EPM2A: variants seen among roughly 807,000 people sequenced by gnomAD.
The protein encoded by EPM2A is EPM2A glucan phosphatase, laforin.
EPM2A carries 21 observed loss-of-function variants against 26.5 expected under a neutral mutation model. The observed-to-expected ratio is 0.79, with a 90% CI of 0.56 to 1.14. The LOEUF is 1.14. Ranked by LOEUF, EPM2A falls within the 50% of genes most tolerant of loss-of-function variation. EPM2A has a pLI of 0.00. For synonymous variants in EPM2A, 217 were observed against 177.6 expected, an observed-to-expected ratio of 1.22 and a Z score of -1.76; for missense variants, 458 against 440.8, an observed-to-expected ratio of 1.04 and a Z score of -0.35.
At chr6:145,617,066 A>G (rs1347594724) in intron 2 of EPM2A, among the ~76,000 whole-genome samples, 1 of 152,108 alleles carries the variant, frequency 6.6e-6, no homozygotes, top group African/African-American at 2.4e-5. Flanking sequence ...GGGTGGAATG[A>G]TATGGATTGG....
At chr6:145,590,804 C>T (rs540014562) in intron 2 of EPM2A, among the ~76,000 whole-genome samples, 1 of 152,208 alleles carries the variant, frequency 6.6e-6, no homozygotes, top group Non-Finnish European at 1.5e-5. Context: ...CCCAATACAT[C>T]ATGCTCAGCT....
chr6:145,548,446 G>A (rs1018661413), intron 2 of EPM2A, among the ~76,000 whole-genome samples: 3 of 152,002 alleles, frequency 2.0e-5, no homozygotes, highest in Non-Finnish European at 2.9e-5. Context: ...AGTCCATCAC[G>A]GTCCTACCTA....
Position 145,627,102 on chromosome 6 carries a change from A to G in EPM2A, c.*314T>C. The stretch of plus-strand genomic sequence containing the variant: ...GTCACGGATCCATCGTGCAACACAT[A>G]CAGTGCTGTAAAGCAAAGGCCTCGT... On this transcript the variant is annotated 3_prime_UTR_variant, in exon 4 of 4. Transcript: ENST00000367519. 5 of 1,271,168 alleles carry G rather than the reference A, an allele frequency of 3.9e-6. No individual in the cohort carries two copies. Among genetic ancestry groups the G allele is most frequent in the Non-Finnish European group, 4.0e-6 (4 of 997,528 alleles). 78.7% of individuals were successfully genotyped at this position (1,271,168 alleles called of 1,614,324 possible).
chr6:145,458,087 A>G (rs1184420019), intron 4 of EPM2A, among the ~76,000 whole-genome samples: 2 of 152,214 alleles, frequency 1.3e-5, no homozygotes, highest in Non-Finnish European at 2.9e-5. Context: ...ACCTATGTGG[A>G]AAGTCCAGAC....
chr6:145,438,857 C>CTCAGGGA (rs1779024135), intron 4 of EPM2A, among the ~76,000 whole-genome samples: 3 of 152,202 alleles, frequency 2.0e-5, no homozygotes, highest in Admixed American at 2.0e-4. Flanking sequence ...AAACTTGTGA[C>CTCAGGGA]TCAGGGATCG....
chr6:145,629,369 G>C (rs1776072473), intron 3 of EPM2A: 1 of 152,254 alleles, frequency 6.6e-6, no homozygotes, highest in African/African-American at 2.4e-5. Context: ...GGCACCGTGA[G>C]ATTACAGCGA....
chr6:145,507,297 A>G (rs1779989811), intron 2 of EPM2A, among the ~76,000 whole-genome samples: 1 of 152,228 alleles, frequency 6.6e-6, no homozygotes, highest in Non-Finnish European at 1.5e-5. Context: ...ATCAACTCTG[A>G]GTTTTAATTC....
intron 2 of EPM2A, among the ~76,000 whole-genome samples, chr6:145,659,220 G>A (rs899424141): frequency 6.6e-6 from 1 of 152,024 alleles, no homozygotes; most frequent in Non-Finnish European, 1.5e-5. Flanking sequence ...CACAAGATAG[G>A]GTGGGATGGG....
intron 1 of EPM2A, among the ~76,000 whole-genome samples, chr6:145,732,201 TTGTGTGTGTGTG>T (rs66889564): frequency 8.7e-5 from 12 of 138,542 alleles, no homozygotes; most frequent in Admixed American, 3.6e-4. Flanking sequence ...CAGCTAAGAC[TTGTGTGTGTGTG>T]TGTGTGTGTG....
chr6:145,395,949 G>A lies in EPM2A; in HGVS notation c.556-11852C>T, dbSNP rs1416877342. Among the ~76,000 whole-genome samples the A allele has an allele frequency of 6.6e-5, 10 of 152,082 alleles. No individual in the cohort carries two copies. In the East Asian group the frequency reaches 1.9e-3, roughly 29 times the overall value. On this transcript the variant is annotated intron_variant, in intron 4 of 4. Coordinates refer to the EPM2A transcript ENST00000638717. ...GGTAGAACTGCATGCCCTCACTCAA[G>A]CCTGTCCACTAGCCACATATAAAGG...
intron 2 of EPM2A, among the ~76,000 whole-genome samples, chr6:145,576,618 C>T (rs1271722793): frequency 2.0e-5 from 3 of 152,108 alleles, no homozygotes; most frequent in Non-Finnish European, 4.4e-5. Context: ...GAGAATTTAA[C>T]ATCAGACATG....
chr6:145,401,783 T>C (rs551923537), intron 4 of EPM2A, among the ~76,000 whole-genome samples: 150 of 152,256 alleles, frequency 9.9e-4, no homozygotes, highest in African/African-American at 3.4e-3. Context: ...TAAAGAATGA[T>C]CATGGCAAGT....
At chr6:145,428,075 G>GTTTT (rs11343322) in intron 4 of EPM2A, among the ~76,000 whole-genome samples, 1 of 97,522 alleles carries the variant, frequency 1.0e-5, no homozygotes, top group Non-Finnish European at 2.1e-5. Context: ...TGTGTTGATA[G>GTTTT]TTTTTTTTTT....
chr6:145,400,234 G>T (rs960550118), intron 4 of EPM2A, among the ~76,000 whole-genome samples: 10 of 152,090 alleles, frequency 6.6e-5, no homozygotes, highest in African/African-American at 2.4e-4. Context: ...GAGAAATCTT[G>T]GCCAAAGGCA....
intron 4 of EPM2A, among the ~76,000 whole-genome samples, chr6:145,396,749 CAT>C (rs1247729958): frequency 6.6e-6 from 1 of 152,178 alleles, no homozygotes; most frequent in Non-Finnish European, 1.5e-5. Flanking sequence ...ATTGCCACCC[CAT>C]GGATGTAAAT....
intron 4 of EPM2A, among the ~76,000 whole-genome samples, chr6:145,457,207 G>T (rs1337729614): frequency 6.6e-6 from 1 of 152,098 alleles, no homozygotes; most frequent in African/African-American, 2.4e-5. Context: ...AGATAATTCT[G>T]CCTTTGGCTG....
chr6:145,635,734 G>A (rs1776618931), intron 2 of EPM2A: 3 of 467,818 alleles, frequency 6.4e-6, no homozygotes, highest in Admixed American at 3.4e-5. Context: ...ACCAAATCAA[G>A]CAATATATTA....
chr6:145,634,882 T>C (rs117662904), intron 3 of EPM2A, among the ~76,000 whole-genome samples: 1 of 152,192 alleles, frequency 6.6e-6, no homozygotes, highest in Non-Finnish European at 1.5e-5. Context: ...AAATTCATCA[T>C]AGTTTTAAAC....
At chr6:145,729,285 T>C (rs1486425700) in intron 1 of EPM2A, among the ~76,000 whole-genome samples, 1 of 152,170 alleles carries the variant, frequency 6.6e-6, no homozygotes, top group East Asian at 1.9e-4. Context: ...ACTGGAGCTA[T>C]GAAAAGAAGG....
Sources: allele counts gnomAD v4.1 joint callset (sites outside exome capture counted in the v4.1 genomes callset), GRCh38; gene constraint gnomAD v4.1.1; transcripts MANE v1.5; gene names NCBI Gene and HGNC (gene_info 2026-07-23, HGNC 2026-07-21).